LAMC1: variants seen among roughly 807,000 people sequenced by gnomAD.
LAMC1 encodes laminin subunit gamma-1.
In LAMC1, 38 loss-of-function variants were observed where a neutral mutation model predicts 173.6. That is an observed-to-expected ratio of 0.22 (90% CI 0.17 to 0.29). The LOEUF (loss-of-function observed/expected upper bound fraction) is 0.29, where lower values mean the gene tolerates loss of function less well. LAMC1 is among the 10% of genes least tolerant of loss of function. LAMC1 has a pLI of 1.00. For synonymous variants in LAMC1, 746 were observed against 749.1 expected (o/e 1.00, Z 0.07); for missense variants, 1,824 against 2,051.8 (o/e 0.89, Z 2.14).
chr1:183,140,997 CAATAGTAGAATAAAAG>C (rs1269874847), intron 27 of LAMC1: 1 of 152,112 alleles, frequency 6.6e-6, no homozygotes, highest in Non-Finnish European at 1.5e-5. Context: ...TAAAGGATTT[CAATAGTAGAATAAAAG>C]AATAGTAGAA....
intron 22 of LAMC1, among the ~76,000 whole-genome samples, chr1:183,134,455 A>G (rs185677549): frequency 3.0e-4 from 46 of 152,346 alleles, no homozygotes; most frequent in African/African-American, 1.1e-3. Context: ...GCATTTGTCA[A>G]AACTCATCAA....
chr1:183,103,426 A>G lies in LAMC1; in HGVS notation c.517A>G (p.Ile173Val), dbSNP rs765686054. 3 of 1,614,168 alleles carry G rather than the reference A, an allele frequency of 1.9e-6. No individual in the cohort carries two copies. The highest frequency in any genetic ancestry group is 3.3e-4 in the Middle Eastern group (2 of 6,062). The change falls in exon 2 of 28, where the codon ATT becomes GTT. Residue 173 changes from isoleucine (I) to valine (V), a missense_variant. Ile to Val is a conservative substitution (Grantham distance 29, BLOSUM62 3). Coordinates refer to ENST00000258341, the MANE Select transcript of LAMC1 (RefSeq NM_002293.4). ...GCGCACACGGGAAGACGGGCCCTGG[A>G]TTCCTTACCAGTACTACAGTGGTTC... ...YKRTREDGPW[I>V]PYQYYSGSCE...
Position 183,130,382 on chromosome 1 carries a change from A to C in LAMC1, c.3319A>C (p.Asn1107His). The change falls in exon 19 of 28, where the codon AAT (asparagine) becomes CAT (histidine). Residue 1107 changes from asparagine (N) to histidine (H), a missense_variant. Physicochemically the swap from Asn to His is moderately conservative, Grantham distance 68 (BLOSUM62 1). Transcript: ENST00000258341. ...TTTGATGGATCGCCTACAGAGAGTG[A>C]ATAACACTCTGTCCAGCCAAATTAG... ...QNLMDRLQRV[N>H]NTLSSQISRL... 4 of 1,614,158 alleles carry C rather than the reference A, an allele frequency of 2.5e-6. No individual in the cohort carries two copies. The highest frequency in any genetic ancestry group is 3.4e-6 in the Non-Finnish European group (4 of 1,179,974).
intron 1 of LAMC1, among the ~76,000 whole-genome samples, chr1:183,078,331 C>G (rs1475971126): frequency 1.3e-5 from 2 of 152,106 alleles, no homozygotes; most frequent in Non-Finnish European, 2.9e-5. Flanking sequence ...GCCTGTAATC[C>G]CAGCACTTTG....
intron 8 of LAMC1, 112 bp from the exon 9 acceptor site, chr1:183,117,208 G>A (rs1210385847): frequency 8.7e-7 from 1 of 1,147,282 alleles, no homozygotes; most frequent in Non-Finnish European, 1.2e-6. Flanking sequence ...AAGGTTTATT[G>A]ATGCCTTTCT....
At chr1:183,033,585 A>G (rs1417505891) in intron 1 of LAMC1, among the ~76,000 whole-genome samples, 1 of 152,200 alleles carries the variant, frequency 6.6e-6, no homozygotes, top group African/African-American at 2.4e-5. Flanking sequence ...AAATAATGGG[A>G]AGACCCCATC....
At chr1:183,101,782 T>C (rs1259289055) in intron 1 of LAMC1, among the ~76,000 whole-genome samples, 1 of 152,204 alleles carries the variant, frequency 6.6e-6, no homozygotes, top group South Asian at 2.1e-4. Context: ...CTTTCTGTTA[T>C]GCCACATGGC....
chr1:183,134,277 T>A (rs1235790168), intron 22 of LAMC1, among the ~76,000 whole-genome samples: 1 of 152,220 alleles, frequency 6.6e-6, no homozygotes, highest in Non-Finnish European at 1.5e-5. Flanking sequence ...TGATTCTATA[T>A]ATTTATAATT....
chr1:183,114,758 G>A, intron 5 of LAMC1, 39 bp downstream of exon 5: 1 of 1,588,580 alleles, frequency 6.3e-7, no homozygotes, highest in Non-Finnish European at 8.6e-7. Flanking sequence ...CAAAATGATA[G>A]TTCCGTGGAC....
At position 183,143,696 on chromosome 1, in the gene LAMC1, G is replaced by C. The variant is rs914122682; in HGVS notation, c.*906G>C. On this transcript the variant is annotated 3_prime_UTR_variant, in exon 28 of 28. Coordinates refer to ENST00000258341, the MANE Select transcript of LAMC1 (RefSeq NM_002293.4). ...TAGTTAGTCTTGGAACTAGTGTTAA[G>C]TATCTGGCAGAGAACAGTTAATCCC... The C allele has an allele frequency of 6.6e-6, 1 of 152,204 alleles. No individual in the cohort carries two copies. Among genetic ancestry groups the C allele is most frequent in the Non-Finnish European group, 1.5e-5 (1 of 68,028 alleles). 9.4% of individuals were successfully genotyped at this position (152,204 alleles called of 1,614,324 possible).
chr1:183,121,990 A>G (rs2102091208), intron 12 of LAMC1, 46 bp downstream of exon 12: 2 of 1,607,318 alleles, frequency 1.2e-6, no homozygotes, highest in Non-Finnish European at 1.7e-6. Flanking sequence ...CTCTTTAGCA[A>G]TTGTGTAGAA....
At chr1:183,047,031 T>G (rs1654283171) in intron 1 of LAMC1, among the ~76,000 whole-genome samples, 1 of 152,148 alleles carries the variant, frequency 6.6e-6, no homozygotes, top group Admixed American at 6.5e-5. Context: ...CAACTTCTTT[T>G]GCTGTAAGGC....
intron 1 of LAMC1, among the ~76,000 whole-genome samples, chr1:183,102,772 C>T (rs1261169618): frequency 1.3e-5 from 2 of 152,128 alleles, no homozygotes; most frequent in Admixed American, 6.5e-5. Flanking sequence ...ATTCTACTCC[C>T]TGCTACATCT....
At chr1:183,068,382 C>G (rs565363810) in intron 1 of LAMC1, among the ~76,000 whole-genome samples, 1 of 152,198 alleles carries the variant, frequency 6.6e-6, no homozygotes, top group East Asian at 1.9e-4. Context: ...ATTTGTTGTG[C>G]TAAGCAAATT....
intron 1 of LAMC1, among the ~76,000 whole-genome samples, chr1:183,081,681 C>G (rs1034415898): frequency 6.6e-6 from 1 of 152,120 alleles, no homozygotes; most frequent in Non-Finnish European, 1.5e-5. Context: ...TCCTGGATCA[C>G]CACACACATA....
intron 20 of LAMC1, among the ~76,000 whole-genome samples, chr1:183,131,783 A>G (rs922612615): frequency 1.3e-5 from 2 of 152,242 alleles, no homozygotes; most frequent in Admixed American, 6.5e-5. Flanking sequence ...ACAATTTTAT[A>G]TGTACATTAC....
intron 13 of LAMC1, 55 bp from the exon 14 acceptor site, chr1:183,124,576 G>A: frequency 6.2e-7 from 1 of 1,603,590 alleles, no homozygotes; most frequent in South Asian, 1.1e-5. Flanking sequence ...TGGTAATCTA[G>A]CACCAAAAAT....
chr1:183,130,965 G>A (rs1321138728), intron 19 of LAMC1, among the ~76,000 whole-genome samples: 3 of 152,018 alleles, frequency 2.0e-5, no homozygotes, highest in Non-Finnish European at 4.4e-5. Context: ...ACCTGAGGTC[G>A]AGAGTTCGAG....
In LAMC1 at chr1:183,142,759, G is replaced by C. The variant is rs1429556957; in HGVS notation, c.4799G>C (p.Cys1600Ser). ...EDIRKTLPSG[C>S]FNTPSIEKP The stretch of plus-strand genomic sequence containing the variant: ...ATCAGGAAGACCTTACCATCTGGCT[G>C]CTTCAACACCCCGTCCATTGAAAAG... The change falls in exon 28 of 28, where the codon TGC (cysteine) becomes TCC (serine). Residue 1600 changes from cysteine (C) to serine (S), a missense_variant. By Grantham distance (112) the Cys-to-Ser change is moderately radical (BLOSUM62 -1). Coordinates refer to ENST00000258341, the MANE Select transcript of LAMC1 (RefSeq NM_002293.4). The C allele has an allele frequency of 6.2e-7, 1 of 1,613,534 alleles. No individual in the cohort carries two copies. Among genetic ancestry groups the C allele is most frequent in the East Asian group, 2.2e-5 (1 of 44,884 alleles).
Sources: allele counts gnomAD v4.1 joint callset (sites outside exome capture counted in the v4.1 genomes callset), GRCh38; gene constraint gnomAD v4.1.1; transcripts MANE v1.5; gene names NCBI Gene and HGNC (gene_info 2026-07-23, HGNC 2026-07-21).